The following DGKA variants were observed in gnomAD, a reference collection of about 807,000 sequenced individuals.
DGKA encodes the protein 80 kDa diacylglycerol kinase.
In DGKA, 35 loss-of-function variants were observed where a neutral mutation model predicts 105.0. The ratio of observed to expected loss-of-function variants is 0.33; its 90% CI spans 0.25 to 0.44. DGKA has a LOEUF of 0.44. Ranked by LOEUF, DGKA falls within the 20% of genes least tolerant of loss-of-function variation. The pLI, the probability that DGKA is intolerant of heterozygous loss-of-function variation, is 1.00. For synonymous variants in DGKA, 296 were observed against 332.0 expected (o/e 0.89, Z 1.18); for missense variants, 665 against 915.0 (o/e 0.73, Z 3.53).
At position 55,952,946 on chromosome 12, in the gene DGKA, C is replaced by G; in HGVS notation, c.1942+14C>G. 3.7e-6 allele frequency: 6 copies of G among 1,614,098 alleles called. No homozygotes were observed. The highest frequency in any genetic ancestry group is 5.1e-6 in the Non-Finnish European group (6 of 1,179,978). ...CCTGTGTACCAGGTGAGAGGAGCAG[C>G]CTTGGGAGCTGAGTGGGCAGGACGA... On this transcript the variant is annotated intron_variant, in intron 21 of 23. Transcript: ENST00000331886. This position sits in a 1 kb window ranked among gnomAD's most constrained non-coding sequence, Gnocchi z 5.1.
At chr12:55,946,740 T>C (rs949281110) in intron 17 of DGKA, among the ~76,000 whole-genome samples, 1 of 152,178 alleles carries the variant, frequency 6.6e-6, no homozygotes, top group African/African-American at 2.4e-5. Flanking sequence ...AAAGGAATAG[T>C]CAAAGAGAAA....
chr12:55,952,347 G>A lies in DGKA; in HGVS notation c.1659G>A (p.Lys553=), dbSNP rs111515683. 1.7e-5 allele frequency: 28 copies of A among 1,614,116 alleles called. No homozygotes were observed. The African/African-American group carries it at 2.9e-4, about 17-fold the overall frequency. ...KYPEKFNSRM[K]NKLWYFEFAT... ...TGTGTTGGGGCTGACACAGAATGAA[G>A]AACAAGCTATGGTACTTCGAATTTG... Residue 553 remains lysine, a synonymous_variant, in exon 20 of 24, where the codon AAG becomes AAA. Transcript: ENST00000331886. The surrounding 1 kb of genome is among the most constrained non-coding windows in gnomAD (Gnocchi z 5.1).
chr12:55,950,687 C>A (rs1007800344), intron 17 of DGKA, among the ~76,000 whole-genome samples: 1 of 151,774 alleles, frequency 6.6e-6, no homozygotes, highest in African/African-American at 2.4e-5. Context: ...AGGGATCACC[C>A]GCCTCAGCCT....
upstream of DGKA, among the ~76,000 whole-genome samples, chr12:55,928,706 A>C (rs12831706): frequency 4.3e-4 from 55 of 126,540 alleles, 1 homozygote; most frequent in East Asian, 4.3e-3. Context: ...AAAAAAAAAA[A>C]CTAAAAAACT....
chr12:55,928,057 C>T (rs918246537), upstream of DGKA: 37 of 456,794 alleles, frequency 8.1e-5, no homozygotes, highest in Non-Finnish European at 1.2e-4. Context: ...TCCTGCCCTG[C>T]GCCGTACCTC....
In DGKA at chr12:55,940,744, G is replaced by A; in HGVS notation, c.1017+22G>A. On this transcript the variant is annotated intron_variant, in intron 12 of 23. Coordinates refer to ENST00000331886, the MANE Select transcript of DGKA (RefSeq NM_001345.5). This position sits in a 1 kb window ranked among gnomAD's most constrained non-coding sequence, Gnocchi z 4.3. ...CCTGGTGAGACCCTCGGCAGCAGCG[G>A]GGAGGGGACAGGAGTGCCTCCCCGA... 1 of 1,612,016 alleles carries A rather than the reference G, an allele frequency of 6.2e-7. No individual in the cohort carries two copies. The highest frequency in any genetic ancestry group is 1.3e-5 in the African/African-American group (1 of 74,912).
rs1196763728 is a variant in DGKA, at chr12:55,932,004, C to T, written c.-82+660C>T. The T allele has an allele frequency of 6.6e-6, 1 of 152,400 alleles. No homozygotes were observed. The highest frequency in any genetic ancestry group is 6.5e-5 in the Admixed American group (1 of 15,288). The allele number at this position is 152,400 out of a possible 1,614,324, so 9.4% of individuals were successfully genotyped here. On this transcript the variant is annotated intron_variant, in intron 1 of 23. Coordinates refer to ENST00000331886, the MANE Select transcript of DGKA (RefSeq NM_001345.5). This position sits in a 1 kb window ranked among gnomAD's most constrained non-coding sequence, Gnocchi z 4.3. ...TGGGGTGGGGGGCGGGCAGCTATGT[C>T]GTCAGGAACGGGGCGGCCCCGCTGC... is the stretch of plus-strand genomic sequence containing the variant.
chr12:55,927,343 A>G (rs778438111), upstream of DGKA: 1 of 742,746 alleles, frequency 1.3e-6, no homozygotes, highest in African/African-American at 1.7e-5. Flanking sequence ...GCTGCCTGTA[A>G]AACAGTCCTC....
rs931069997 is a variant in DGKA, at chr12:55,953,935, GCA to G, written c.*174_*175del. The G allele has an allele frequency of 2.6e-5, 17 of 660,196 alleles. No homozygotes were observed. The highest frequency in any genetic ancestry group is 2.5e-4 in the Admixed American group (9 of 35,938). 40.9% of individuals were successfully genotyped at this position (660,196 alleles called of 1,614,324 possible). A position where few individuals can be genotyped will look rare whatever the true frequency, so the allele number is the denominator to read the frequency against. ...TGCACCACCTCACTGTTCCCCATGC[GCA>G]CACACATACACACACCCCAAAACAC... On this transcript the variant is annotated 3_prime_UTR_variant, in exon 24 of 24. Coordinates refer to ENST00000331886, the MANE Select transcript of DGKA (RefSeq NM_001345.5).
intron 17 of DGKA, among the ~76,000 whole-genome samples, chr12:55,946,049 A>C (rs1886922366): frequency 6.6e-6 from 1 of 152,136 alleles, no homozygotes; most frequent in African/African-American, 2.4e-5. Context: ...CAGCCTCCCA[A>C]AGTGCTGAGA....
rs1885309019 is a variant in DGKA at position 55,938,847 on chromosome 12, T to G, written c.400-68T>G. 8.8e-6 allele frequency: 14 copies of G among 1,596,270 alleles called. No individual in the cohort carries two copies. The South Asian group carries it at 1.5e-4, about 18-fold the overall frequency. On this transcript the variant is annotated intron_variant, in intron 6 of 23. Transcript: ENST00000331886. ...GGGGTGGAACCCAGGAACACTGATT[T>G]CTGGAAAAGAGTTTGGATGGTGGTA...
rs1884891230 is a variant in DGKA, at chr12:55,937,047, A to C, written c.95A>C (p.Lys32Thr). 1.2e-6 allele frequency: 2 copies of C among 1,614,056 alleles called. No individual in the cohort carries two copies. The highest frequency in any genetic ancestry group is 8.5e-7 in the Non-Finnish European group (1 of 1,180,042). ...YSTKKVSDVL[K>T]LFEDGEMAKY... ...ACCAAAAAGGTCAGTGATGTCCTAA[A>C]GCTCTTCGAGGATGGCGAGATGGCT... Residue 32 changes from lysine (K) to threonine (T), a missense_variant, in exon 3 of 24, where the codon AAG becomes ACG. Coordinates refer to ENST00000331886, the MANE Select transcript of DGKA (RefSeq NM_001345.5).
At chr12:55,930,576 C>T (rs1313868873), upstream of DGKA, 2 of 152,110 alleles carry the variant, frequency 1.3e-5, no homozygotes, top group Non-Finnish European at 2.9e-5. Flanking sequence ...CCGTGTTAGC[C>T]AGGATGGTCT....
Position 55,942,076 on chromosome 12 carries a change from G to T in DGKA, c.1329G>T (p.Glu443Asp). 6.2e-7 allele frequency: 1 copy of T among 1,614,150 alleles called. No homozygotes were observed. The highest frequency in any genetic ancestry group is 1.1e-5 in the South Asian group (1 of 91,044). Reference sequence around the variant, plus strand: ...ACGGCACAGTAGGCTGGATTCTAGAGACCATTGGTCAGTGCAGGGAGGGGC... The same window carrying T: ...ACGGCACAGTAGGCTGGATTCTAGATACCATTGGTCAGTGCAGGGAGGGGC... ...GGDGTVGWIL[E>D]TIDKANLPVL... Residue 443 changes from glutamate to aspartate, a missense_variant, in exon 16 of 24, where the codon GAG becomes GAT. Transcript: ENST00000331886.
In DGKA at chr12:55,952,458, A is replaced by C. The variant is rs772027687; in HGVS notation, c.1743+27A>C. 4.4e-6 allele frequency: 7 copies of C among 1,605,192 alleles called. No individual in the cohort carries two copies. In the Admixed American group the frequency reaches 1.0e-4, roughly 23 times the overall value. On this transcript the variant is annotated intron_variant, in intron 20 of 23. Coordinates refer to ENST00000331886, the MANE Select transcript of DGKA (RefSeq NM_001345.5). The surrounding 1 kb of genome is among the most constrained non-coding windows in gnomAD (Gnocchi z 5.1). Reference sequence around the variant, plus strand: ...TGTGTGTAATAAGACTTAACCCTACATCCTTTTCAGCTTCTTAATAGCCAA... The same window carrying C: ...TGTGTGTAATAAGACTTAACCCTACCTCCTTTTCAGCTTCTTAATAGCCAA...
chr12:55,945,367 A>T (rs778218153), intron 17 of DGKA, among the ~76,000 whole-genome samples: 11 of 152,206 alleles, frequency 7.2e-5, no homozygotes, highest in Non-Finnish European at 1.2e-4. Context: ...TAAACACCCT[A>T]TTTAACAGTT....
At chr12:55,950,227 C>T (rs1377877991) in intron 17 of DGKA, among the ~76,000 whole-genome samples, 1 of 151,994 alleles carries the variant, frequency 6.6e-6, no homozygotes, top group African/African-American at 2.4e-5. Context: ...CCCTCCTCGG[C>T]CTCCCAAAAT....
chr12:55,928,125 G>T, upstream of DGKA: 1 of 280,282 alleles, frequency 3.6e-6, no homozygotes. Context: ...AGCAACTGTT[G>T]TTCCTTCAGG....
chr12:55,932,683 G>T lies in DGKA; in HGVS notation c.-82+1339G>T, dbSNP rs1055056532. The T allele has an allele frequency of 4.9e-5, 33 of 672,004 alleles. 1 individual carries two copies. Among genetic ancestry groups the T allele is most frequent in the South Asian group, 4.4e-4 (28 of 63,964 alleles). The allele number at this position is 672,004 out of a possible 1,614,324, so 41.6% of individuals were successfully genotyped here. A position where few individuals can be genotyped will look rare whatever the true frequency, so the allele number is the denominator to read the frequency against. On this transcript the variant is annotated intron_variant, in intron 1 of 23. Transcript: ENST00000331886. This position sits in a 1 kb window ranked among gnomAD's most constrained non-coding sequence, Gnocchi z 4.3. ...GTAACTTCCTCCTATACTACGCAAT[G>T]ACACCCTCTACACACACACACACAC...
Sources: gnomAD v4.1 joint callset for allele counts (sites outside exome capture counted in the v4.1 genomes callset) on GRCh38, gnomAD v4.1.1 for gene constraint, Gnocchi (gnomAD v3.1) non-coding constraint, MANE v1.5 for transcripts, NCBI Gene and HGNC (gene_info 2026-07-23, HGNC 2026-07-21) for gene names.